Variants in GFPT1 observed in about 807,000 individuals in gnomAD.
The protein encoded by GFPT1 is glutamine--fructose-6-phosphate transaminase 1.
GFPT1 carries 40 observed loss-of-function variants against 92.0 expected under a neutral mutation model. The observed-to-expected ratio is 0.43, with a 90% CI of 0.34 to 0.57. GFPT1 has a LOEUF of 0.57. Ranked by LOEUF, GFPT1 falls within the 20% of genes least tolerant of loss-of-function variation. The pLI, the probability that GFPT1 is intolerant of heterozygous loss-of-function variation, is 0.02. For missense variants in GFPT1, 448 were observed against 869.1 expected, an observed-to-expected ratio of 0.52 and a Z score of 6.09; for synonymous variants, 269 against 280.6, an observed-to-expected ratio of 0.96 and a Z score of 0.41.
intron 15 of GFPT1, chr2:69,334,755 C>T (rs1670751938): frequency 6.6e-6 from 1 of 152,128 alleles, no homozygotes; most frequent in Non-Finnish European, 1.5e-5. Flanking sequence ...TATACAATTC[C>T]ATTTACAAAA....
In GFPT1 at chr2:69,326,653, T is replaced by A. The variant is rs551125782; in HGVS notation, c.2055+261A>T. On this transcript the variant is annotated intron_variant, in intron 19 of 19. Coordinates refer to ENST00000357308, the MANE Select transcript of GFPT1 (RefSeq NM_001244710.2). ...TGCCAATAGCTGCCCTGTTAAGAGA[T>A]AGAGGTTATATTAAGAAAACAGGTG... 2.6e-5 allele frequency among the ~76,000 whole-genome samples: 4 copies of A among 152,256 alleles called. No individual in the cohort carries two copies. The South Asian group carries it at 8.3e-4, about 32-fold the overall frequency.
intron 1 of GFPT1, among the ~76,000 whole-genome samples, chr2:69,381,140 G>A (rs577556833): frequency 3.9e-5 from 6 of 152,086 alleles, no homozygotes; most frequent in South Asian, 2.1e-4. Flanking sequence ...GTGTTACCAC[G>A]CCTGGCTAAT....
At chr2:69,353,201 G>C (rs1353089956) in intron 9 of GFPT1, among the ~76,000 whole-genome samples, 2 of 152,112 alleles carry the variant, frequency 1.3e-5, no homozygotes, top group Non-Finnish European at 2.9e-5. Context: ...TTCAAGAACA[G>C]CCTGGGCAAT....
intron 11 of GFPT1, among the ~76,000 whole-genome samples, chr2:69,347,793 T>C (rs1285809439): frequency 6.6e-6 from 1 of 152,190 alleles, no homozygotes; most frequent in East Asian, 1.9e-4. Flanking sequence ...ATATAGTAGC[T>C]TCTTAATCCT....
At chr2:69,353,613 G>A (rs981934061) in intron 9 of GFPT1, among the ~76,000 whole-genome samples, 1 of 151,814 alleles carries the variant, frequency 6.6e-6, no homozygotes. Flanking sequence ...GGATCCACCT[G>A]AGCCCAAGAG....
At chr2:69,346,491 G>T (rs150376472) in intron 11 of GFPT1, among the ~76,000 whole-genome samples, 1,785 of 152,146 alleles carry the variant, frequency 0.012, 33 homozygotes, top group African/African-American at 0.041. Context: ...AACCACCTCG[G>T]CCTCCCAAAG....
chr2:69,360,016 C>T (rs548367973), intron 4 of GFPT1, among the ~76,000 whole-genome samples: 62 of 152,116 alleles, frequency 4.1e-4, no homozygotes, highest in Non-Finnish European at 6.6e-4. Flanking sequence ...TTATTTGTAG[C>T]GACTGCTGGT....
rs542110221 is a variant in GFPT1, at chr2:69,354,253, T to C, written c.739+6A>G. The C allele has an allele frequency of 4.5e-5, 71 of 1,577,738 alleles. No individual in the cohort carries two copies. The East Asian group carries it at 1.5e-3, about 33-fold the overall frequency. On this transcript the variant is annotated splice_donor_region_variant and intron_variant, in intron 9 of 19. Transcript: ENST00000357308. ...CCTCCCCATCCATGCAGAGTGCATTTCCCACCTCTTTCTCCCTGTGATCCC... is the reference window on the plus strand; with the variant it reads ...CCTCCCCATCCATGCAGAGTGCATTCCCCACCTCTTTCTCCCTGTGATCCC...
Position 69,387,218 on chromosome 2 carries a change from G to A in GFPT1, c.-147C>T, listed in dbSNP as rs956338400. On this transcript the variant is annotated 5_prime_UTR_variant, in exon 1 of 20. Coordinates refer to ENST00000357308, the MANE Select transcript of GFPT1 (RefSeq NM_001244710.2). ...TCGGGGATGCGACGGCCAAGGCAAC[G>A]ACAGCCTTCTCCGCCTCCCGGGCTC... 3.6e-5 allele frequency: 31 copies of A among 849,542 alleles called. No individual in the cohort carries two copies. The highest frequency in any genetic ancestry group is 2.8e-4 in the Admixed American group (8 of 28,764). 52.6% of individuals were successfully genotyped at this position (849,542 alleles called of 1,614,324 possible).
In GFPT1 at chr2:69,323,576, G is replaced by C. The variant is rs2104589427; in HGVS notation, c.*2613C>G. ...CACAGTGGCACAATCACAGCTCACT[G>C]CAGCCTCAACCTCCCAGGCTCAAGC... On this transcript the variant is annotated 3_prime_UTR_variant, in exon 20 of 20. Transcript: ENST00000357308. The C allele has an allele frequency of 6.6e-6, 1 of 152,170 alleles. No individual in the cohort carries two copies. Among genetic ancestry groups the C allele is most frequent in the African/African-American group, 2.4e-5 (1 of 41,462 alleles). The allele number at this position is 152,170 out of a possible 1,614,324, so 9.4% of individuals were successfully genotyped here. A position where few individuals can be genotyped will look rare whatever the true frequency, so the allele number is the denominator to read the frequency against.
In GFPT1 at chr2:69,359,274, CT is replaced by C; in HGVS notation, c.401del (p.Lys134SerfsTer75). 1 of 1,562,474 alleles carries C rather than the reference CT, an allele frequency of 6.4e-7. No homozygotes were observed. The highest frequency in any genetic ancestry group is 8.8e-7 in the Non-Finnish European group (1 of 1,133,842). ...TTGAGGTCACCTTACTTACCAAAAA[CT>C]TTTTCAAGTCTTTGTAGTTGGTGAT... is the stretch of plus-strand genomic sequence containing the variant. ...GIITNYKDLK[K>X]FLESKGYDFE... On this transcript the variant is annotated frameshift_variant, in exon 5 of 20. Coordinates refer to ENST00000357308, the MANE Select transcript of GFPT1 (RefSeq NM_001244710.2). LOFTEE classifies it high-confidence loss of function.
At chr2:69,359,238 ACTG>A (rs1659370746) in intron 5 of GFPT1, 27 bp downstream of exon 5, 1 of 1,216,656 alleles carries the variant, frequency 8.2e-7, no homozygotes, top group African/African-American at 1.5e-5. Context: ...ATTCTCAAAG[ACTG>A]GGGTCTTTTG....
chr2:69,366,970 T>C (rs917483914), intron 3 of GFPT1, among the ~76,000 whole-genome samples: 1 of 152,190 alleles, frequency 6.6e-6, no homozygotes, highest in African/African-American at 2.4e-5. Flanking sequence ...CAACTACCCA[T>C]ACTCAGAGTT....
In GFPT1 at chr2:69,348,335, C is replaced by T. The variant is rs1222914801; in HGVS notation, c.846-1G>A. The T allele has an allele frequency of 6.2e-7, 1 of 1,608,260 alleles. No individual in the cohort carries two copies. Among genetic ancestry groups the T allele is most frequent in the Non-Finnish European group, 8.5e-7 (1 of 1,174,698 alleles). On this transcript the variant is annotated splice_acceptor_variant, in intron 10 of 19. Coordinates refer to ENST00000357308, the MANE Select transcript of GFPT1 (RefSeq NM_001244710.2). LOFTEE classifies it high-confidence loss of function. ...GCGATTGGTGTGTTCTATGACAGCA[C>T]TATAAAGTTTTCAAGGAGATATTAC...
At chr2:69,367,485 C>T (rs762619845) in intron 3 of GFPT1, among the ~76,000 whole-genome samples, 9 of 152,088 alleles carry the variant, frequency 5.9e-5, no homozygotes, top group Non-Finnish European at 8.8e-5. Flanking sequence ...CTCAGCCTCC[C>T]GAATAGCTGG....
chr2:69,378,314 C>G (rs558800761), intron 1 of GFPT1, among the ~76,000 whole-genome samples: 1 of 152,276 alleles, frequency 6.6e-6, no homozygotes, highest in African/African-American at 2.4e-5. Context: ...CCTAAACTCC[C>G]AATAAACAGT....
intron 4 of GFPT1, among the ~76,000 whole-genome samples, chr2:69,360,199 C>T (rs13392380): frequency 2.6e-5 from 4 of 151,786 alleles, no homozygotes; most frequent in African/African-American, 9.7e-5. Context: ...CGTGGTGGCA[C>T]GTGCCTGTAA....
In GFPT1 at chr2:69,326,233, C is replaced by T; in HGVS notation, c.2056G>A (p.Val686Ile). ...FHLAVLRGYD[V>I]DFPRNLAKSV... ...TTGGCAAGATTCCGTGGGAAATCAA[C>T]CTGCAAAAAGAAAAAAAAAAAAAGC... is the stretch of plus-strand genomic sequence containing the variant. The change falls in exon 20 of 20, where the codon GTT becomes ATT. Residue 686 changes from valine to isoleucine, a missense_variant and splice_region_variant. Val to Ile is a conservative substitution (Grantham distance 29). This residue lies in a region of GFPT1 where 55 missense variants were observed against 98.8 expected (regional missense o/e 0.56). Transcript: ENST00000357308. 1.3e-6 allele frequency: 2 copies of T among 1,541,072 alleles called. No homozygotes were observed. Among genetic ancestry groups the T allele is most frequent in the Non-Finnish European group, 8.7e-7 (1 of 1,148,010 alleles).
At position 69,325,344 on chromosome 2, in the gene GFPT1, C is replaced by G. The variant is rs1468695413; in HGVS notation, c.*845G>C. On this transcript the variant is annotated 3_prime_UTR_variant, in exon 20 of 20. Coordinates refer to ENST00000357308, the MANE Select transcript of GFPT1 (RefSeq NM_001244710.2). ...GAACAAGATAAAATATGTCATTCAG[C>G]AGTCATTTAAAAAATAAAAGACTAC... 1 of 152,084 alleles carries G rather than the reference C, an allele frequency of 6.6e-6. No individual in the cohort carries two copies. The highest frequency in any genetic ancestry group is 1.5e-5 in the Non-Finnish European group (1 of 68,000). 9.4% of individuals were successfully genotyped at this position (152,084 alleles called of 1,614,324 possible).
Sources: allele counts gnomAD v4.1 joint callset (sites outside exome capture counted in the v4.1 genomes callset), GRCh38; gene constraint gnomAD v4.1.1; regional missense constraint gnomAD v4.1.1; transcripts MANE v1.5; gene names NCBI Gene and HGNC (gene_info 2026-07-23, HGNC 2026-07-21).